Variants in CEP128 observed in about 807,000 individuals in gnomAD.
CEP128 encodes the protein centrosomal protein 128kDa.
In CEP128, 132 loss-of-function variants were observed where a neutral mutation model predicts 156.7. The ratio of observed to expected loss-of-function variants is 0.84; its 90% CI spans 0.73 to 0.97. The LOEUF is 0.97. CEP128 is among the 50% of genes least tolerant of loss of function. The probability of loss-of-function intolerance (pLI) is 0.00; values close to 1 mark genes in which losing one functional copy is unlikely to be tolerated. For missense variants in CEP128, 1,252 were observed against 1,281.9 expected (o/e 0.98, Z 0.36); for synonymous variants, 469 against 448.9 (o/e 1.04, Z -0.57).
chr14:80,761,124 C>T (rs180937238), intron 17 of CEP128, among the ~76,000 whole-genome samples: 17 of 151,622 alleles, frequency 1.1e-4, no homozygotes, highest in Admixed American at 9.9e-4. Context: ...CCAACAACAA[C>T]AAAAATAGCC....
At chr14:80,897,085 T>C (rs1333216607) in intron 7 of CEP128, among the ~76,000 whole-genome samples, 1 of 152,260 alleles carries the variant, frequency 6.6e-6, no homozygotes, top group Non-Finnish European at 1.5e-5. Context: ...TCTGTATGTA[T>C]GTATAGAATG....
At chr14:80,480,195 C>G (rs1350751490) in intron 14 of CEP128, among the ~76,000 whole-genome samples, 1 of 152,198 alleles carries the variant, frequency 6.6e-6, no homozygotes, top group Non-Finnish European at 1.5e-5. Flanking sequence ...AGTAAGGACT[C>G]TGTGTGGGGG....
At chr14:80,948,055 T>G (rs986712701) in intron 2 of CEP128, among the ~76,000 whole-genome samples, 2 of 146,188 alleles carry the variant, frequency 1.4e-5, no homozygotes, top group Non-Finnish European at 3.0e-5. Flanking sequence ...AGACACCAAG[T>G]ATGATGTTAT....
At chr14:80,746,336 G>A (rs1488931761) in intron 18 of CEP128, among the ~76,000 whole-genome samples, 1 of 152,150 alleles carries the variant, frequency 6.6e-6, no homozygotes, top group Non-Finnish European at 1.5e-5. Context: ...CCATTCCAAA[G>A]CTTACTACAA....
At chr14:80,535,097 C>A (rs889858195) in intron 21 of CEP128, among the ~76,000 whole-genome samples, 1 of 152,168 alleles carries the variant, frequency 6.6e-6, no homozygotes, top group Non-Finnish European at 1.5e-5. Context: ...ATCAGTTAAT[C>A]TTAATCCTGT....
intron 4 of CEP128, among the ~76,000 whole-genome samples, chr14:80,908,607 G>T (rs752646061): frequency 1.3e-5 from 2 of 151,968 alleles, no homozygotes; most frequent in Non-Finnish European, 2.9e-5. Flanking sequence ...GTTATTCATG[G>T]TTACCTTATA....
intron 1 of CEP128, among the ~76,000 whole-genome samples, chr14:80,940,888 AATGCTG>A (rs1886114527): frequency 6.6e-6 from 1 of 152,190 alleles, no homozygotes. Flanking sequence ...ATAAACAACA[AATGCTG>A]AGCACTTGCA....
Position 80,699,737 on chromosome 14 carries a change from C to T in CEP128, c.2806+43338G>A, listed in dbSNP as rs74797844. 4.6e-5 allele frequency among the ~76,000 whole-genome samples: 7 copies of T among 152,210 alleles called. No individual in the cohort carries two copies. In the East Asian group the frequency reaches 1.4e-3, roughly 29 times the overall value. ...TAGAAATCTACAACTTCCCAGATTGCTATCTTAGGTGAAGAGAAATTCTGT... is the reference window on the plus strand; with the variant it reads ...TAGAAATCTACAACTTCCCAGATTGTTATCTTAGGTGAAGAGAAATTCTGT... On this transcript the variant is annotated intron_variant, in intron 19 of 24. Coordinates refer to ENST00000555265, the MANE Select transcript of CEP128 (RefSeq NM_152446.5).
chr14:80,672,147 TAAAGTAA>T (rs1420125489), intron 19 of CEP128, among the ~76,000 whole-genome samples: 1 of 152,092 alleles, frequency 6.6e-6, no homozygotes, highest in African/African-American at 2.4e-5. Flanking sequence ...CTACTGGATG[TAAAGTAA>T]ACAAATCTAT....
intron 21 of CEP128, among the ~76,000 whole-genome samples, chr14:80,541,941 C>G (rs1028684728): frequency 6.6e-6 from 1 of 151,792 alleles, no homozygotes; most frequent in Non-Finnish European, 1.5e-5. Flanking sequence ...AGTTCCTGAT[C>G]CCTCTACACT....
At chr14:80,678,135 G>A (rs1034599748) in intron 19 of CEP128, among the ~76,000 whole-genome samples, 6 of 150,430 alleles carry the variant, frequency 4.0e-5, no homozygotes, top group South Asian at 4.2e-4. Flanking sequence ...TCTGTTATGC[G>A]TGAATTCCTG....
chr14:80,481,827 T>G (rs1259528052), intron 14 of CEP128, among the ~76,000 whole-genome samples: 2 of 152,250 alleles, frequency 1.3e-5, no homozygotes, highest in Non-Finnish European at 2.9e-5. Flanking sequence ...CTAGTTCACC[T>G]TAAATAGCCC....
intron 9 of CEP128, among the ~76,000 whole-genome samples, chr14:80,841,966 A>G (rs982193927): frequency 2.0e-5 from 3 of 152,068 alleles, no homozygotes; most frequent in Non-Finnish European, 1.5e-5. Context: ...ATTAAATTAA[A>G]AAAATCCAAA....
intron 9 of CEP128, among the ~76,000 whole-genome samples, chr14:80,859,910 T>C (rs1265907201): frequency 6.6e-6 from 1 of 152,136 alleles, no homozygotes; most frequent in East Asian, 1.9e-4. Flanking sequence ...ATCCTATAAT[T>C]TCAAATAAAA....
intron 19 of CEP128, among the ~76,000 whole-genome samples, chr14:80,663,285 T>C (rs1381920342): frequency 6.6e-6 from 1 of 152,116 alleles, no homozygotes; most frequent in East Asian, 1.9e-4. Context: ...TGGTTAAAAC[T>C]AGCATGACCT....
chr14:80,623,747 TA>T (rs1448172352), intron 19 of CEP128, among the ~76,000 whole-genome samples: 1 of 152,166 alleles, frequency 6.6e-6, no homozygotes. Flanking sequence ...TTTTTTAATG[TA>T]AAAAAAGTCA....
intron 19 of CEP128, among the ~76,000 whole-genome samples, chr14:80,712,601 G>A (rs764546331): frequency 1.3e-5 from 2 of 152,080 alleles, no homozygotes; most frequent in East Asian, 1.9e-4. Flanking sequence ...TTAGAAAAGA[G>A]AGACTGTGGC....
chr14:80,578,187 T>C (rs1468955159), intron 20 of CEP128, among the ~76,000 whole-genome samples: 1 of 152,162 alleles, frequency 6.6e-6, no homozygotes, highest in African/African-American at 2.4e-5. Flanking sequence ...AATTATAATA[T>C]AGAGGGTAAG....
In CEP128 at chr14:80,869,353, C is replaced by A. The variant is rs180729484; in HGVS notation, c.646-6480G>T. Among the ~76,000 whole-genome samples the A allele has an allele frequency of 8.1e-3, 1,234 of 151,910 alleles. 11 individuals carry two copies. Among genetic ancestry groups the A allele is most frequent in the Non-Finnish European group, 0.01 (682 of 67,860 alleles). ...ATTAAACTACACAATTCTGAACAAT[C>A]AATGGGTCAAATAAAAAATTTAAAA... is the stretch of plus-strand genomic sequence containing the variant. On this transcript the variant is annotated intron_variant, in intron 8 of 24. Coordinates refer to ENST00000555265, the MANE Select transcript of CEP128 (RefSeq NM_152446.5).
Sources: allele counts gnomAD v4.1 joint callset (sites outside exome capture counted in the v4.1 genomes callset), GRCh38; gene constraint gnomAD v4.1.1; transcripts MANE v1.5; gene names NCBI Gene and HGNC (gene_info 2026-07-23, HGNC 2026-07-21).